The following EMC3 variants were observed in gnomAD, a reference collection of about 807,000 sequenced individuals.
The protein encoded by EMC3 is 30 kDa protein.
In EMC3, 13 loss-of-function variants were observed where a neutral mutation model predicts 36.6. The ratio of observed to expected loss-of-function variants is 0.35; its 90% CI spans 0.23 to 0.56. The LOEUF is 0.56. EMC3 is among the 20% of genes least tolerant of loss of function. The pLI is 0.84. For missense variants in EMC3, 220 were observed against 324.5 expected (o/e 0.68, Z 2.47); for synonymous variants, 120 against 111.9 (o/e 1.07, Z -0.46).
intron 5 of EMC3, among the ~76,000 whole-genome samples, chr3:9,972,322 T>A (rs1351320438): frequency 6.6e-6 from 1 of 152,210 alleles, no homozygotes; most frequent in African/African-American, 2.4e-5. Flanking sequence ...AACTTGTAAC[T>A]TTCTGGGGGT....
intron 3 of EMC3, among the ~76,000 whole-genome samples, chr3:9,974,856 C>CG (rs768527055): frequency 1.1e-5 from 1 of 88,494 alleles, no homozygotes; most frequent in Non-Finnish European, 2.1e-5. Flanking sequence ...CCGCACCCAG[C>CG]GTTTTTTTTT....
At chr3:9,984,991 C>G (rs1254390567) in intron 1 of EMC3, among the ~76,000 whole-genome samples, 2 of 152,204 alleles carry the variant, frequency 1.3e-5, no homozygotes, top group Non-Finnish European at 2.9e-5. Flanking sequence ...AAGTACTTCA[C>G]ATAGTACCTG....
chr3:9,995,266 G>T (rs1308472314), intron 1 of EMC3, among the ~76,000 whole-genome samples: 5 of 151,598 alleles, frequency 3.3e-5, no homozygotes, highest in Non-Finnish European at 7.4e-5. Context: ...AAAGCTTTTA[G>T]CTCCTTGAGT....
chr3:9,968,094 G>C (rs917322329), intron 7 of EMC3, among the ~76,000 whole-genome samples: 2 of 152,114 alleles, frequency 1.3e-5, no homozygotes, highest in East Asian at 3.9e-4. Flanking sequence ...GCTAATTTTT[G>C]TATTTTTAGT....
intron 1 of EMC3, chr3:10,004,489 C>T (rs981823860): frequency 6.6e-6 from 1 of 152,244 alleles, no homozygotes; most frequent in Non-Finnish European, 1.5e-5. Flanking sequence ...GACCACAGAC[C>T]CTTCCTCCTG....
At chr3:9,973,082 C>A (rs1243059529) in intron 5 of EMC3, among the ~76,000 whole-genome samples, 1 of 151,684 alleles carries the variant, frequency 6.6e-6, no homozygotes, top group Admixed American at 6.6e-5. Context: ...GCCTCGGCCT[C>A]CCAAAGTGCA....
intron 1 of EMC3, chr3:10,003,006 C>G (rs1164245574): frequency 2.2e-6 from 1 of 455,760 alleles, no homozygotes; most frequent in Non-Finnish European, 4.4e-6. Flanking sequence ...AGAGCACCAG[C>G]AGCAGTGGTG....
intron 1 of EMC3, chr3:10,002,856 C>T (rs1199797760): frequency 6.6e-6 from 3 of 455,574 alleles, no homozygotes; most frequent in Non-Finnish European, 1.3e-5. Flanking sequence ...ACCCAGAAAC[C>T]TCCCTGGCTC....
intron 4 of EMC3, 77 bp from the exon 5 acceptor site, chr3:9,973,786 GT>G: frequency 7.4e-7 from 1 of 1,350,390 alleles, no homozygotes; most frequent in South Asian, 1.2e-5. Flanking sequence ...CTCAGAGGAG[GT>G]GGGAACTCTG....
At chr3:9,978,655 C>T (rs2085876095) in intron 1 of EMC3, among the ~76,000 whole-genome samples, 1 of 151,896 alleles carries the variant, frequency 6.6e-6, no homozygotes. Flanking sequence ...CATGATGAAA[C>T]CCTGTCTCTA....
At chr3:9,975,767 G>C (rs1322587698) in intron 3 of EMC3, among the ~76,000 whole-genome samples, 1 of 144,172 alleles carries the variant, frequency 6.9e-6, no homozygotes, top group African/African-American at 2.6e-5. Context: ...AGCCGAGATC[G>C]CACCACTGCA....
At chr3:9,983,538 G>A (rs191677109) in intron 1 of EMC3, among the ~76,000 whole-genome samples, 16 of 152,216 alleles carry the variant, frequency 1.1e-4, no homozygotes, top group African/African-American at 3.4e-4. Context: ...CAGGCATGCT[G>A]GCGCATGCCG....
intron 7 of EMC3, chr3:9,969,343 T>G (rs2085762232): frequency 9.0e-7 from 1 of 1,112,554 alleles, no homozygotes; most frequent in African/African-American, 1.7e-5. Context: ...TTGCAAATTC[T>G]AGAACCTTTT....
At chr3:9,976,007 G>C (rs1400794911) in intron 3 of EMC3, among the ~76,000 whole-genome samples, 2 of 151,982 alleles carry the variant, frequency 1.3e-5, no homozygotes, top group East Asian at 3.9e-4. Context: ...CTTCCGTATG[G>C]GTTTAAAATA....
intron 5 of EMC3, 111 bp downstream of exon 5, chr3:9,973,517 G>A: frequency 2.1e-6 from 2 of 966,016 alleles, no homozygotes; most frequent in Admixed American, 3.8e-5. Context: ...TTGAGACAGG[G>A]TCTTACTCTG....
At chr3:9,992,059 G>A (rs1317970323) in intron 1 of EMC3, among the ~76,000 whole-genome samples, 11 of 152,120 alleles carry the variant, frequency 7.2e-5, no homozygotes, top group Non-Finnish European at 1.6e-4. Flanking sequence ...GCAGACCACA[G>A]ACTCCGTGAT....
chr3:9,970,415 A>AC (rs2085773233), intron 6 of EMC3, among the ~76,000 whole-genome samples, 167 bp downstream of exon 6: 1 of 151,958 alleles, frequency 6.6e-6, no homozygotes, highest in Admixed American at 6.6e-5. Context: ...CTTCAGTTTG[A>AC]CCCCCGGAAT....
chr3:10,005,670 A>C (rs1299907789), intron 1 of EMC3, among the ~76,000 whole-genome samples: 1 of 152,180 alleles, frequency 6.6e-6, no homozygotes, highest in African/African-American at 2.4e-5. Context: ...ATGGGTGAAA[A>C]GTAGCCAGAA....
chr3:10,000,707 G>A lies in EMC3; in HGVS notation c.-242+10316C>T. 2.5e-5 allele frequency: 12 copies of A among 471,714 alleles called. 1 individual carries two copies. The highest frequency in any genetic ancestry group is 4.7e-5 in the Non-Finnish European group (11 of 234,996). The allele number at this position is 471,714 out of a possible 1,614,324, so 29.2% of individuals were successfully genotyped here. A position where few individuals can be genotyped will look rare whatever the true frequency, so the allele number is the denominator to read the frequency against. On this transcript the variant is annotated intron_variant, in intron 1 of 8. Transcript: ENST00000470827. ...CCTTTCTGCCTTCTTCTTAATGCCG[G>A]CAAAGATCATTTTTCTTCCATACCC...
Sources: allele counts gnomAD v4.1 joint callset (sites outside exome capture counted in the v4.1 genomes callset), GRCh38; gene constraint gnomAD v4.1.1; transcripts MANE v1.5; gene names NCBI Gene and HGNC (gene_info 2026-07-23, HGNC 2026-07-21).